The following PCSK5 variants were observed in gnomAD, a reference collection of about 807,000 sequenced individuals.
PCSK5 encodes prohormone convertase 5.
Under a neutral mutation model 233.2 loss-of-function variants are expected in PCSK5, and 129 were observed. The ratio of observed to expected loss-of-function variants is 0.55; its 90% confidence interval spans 0.48 to 0.64. PCSK5 has a LOEUF of 0.64. PCSK5 is among the 30% of genes least tolerant of loss of function. The pLI is 0.00. For missense variants in PCSK5, 2,076 were observed against 2,430.1 expected, an observed-to-expected ratio of 0.85 and a Z score of 3.06; for synonymous variants, 825 against 879.2, an observed-to-expected ratio of 0.94 and a Z score of 1.09.
chr9:76,124,599 T>C (rs1018272465), intron 9 of PCSK5, among the ~76,000 whole-genome samples: 13 of 151,508 alleles, frequency 8.6e-5, no homozygotes, highest in Admixed American at 6.6e-4. Context: ...CAAAAAATTA[T>C]CCGGGCATGG....
chr9:75,995,472 GA>G (rs1248967620), intron 3 of PCSK5, among the ~76,000 whole-genome samples: 2 of 152,198 alleles, frequency 1.3e-5, no homozygotes, highest in Non-Finnish European at 2.9e-5. Flanking sequence ...AGTAAAAGAA[GA>G]AATAAGTGTT....
intron 1 of PCSK5, among the ~76,000 whole-genome samples, chr9:75,904,545 A>G (rs1826180354): frequency 6.6e-6 from 1 of 152,244 alleles, no homozygotes; most frequent in South Asian, 2.1e-4. Flanking sequence ...GATGTATAAC[A>G]TCATTAGTCA....
intron 24 of PCSK5, among the ~76,000 whole-genome samples, chr9:76,256,827 C>A (rs1238496046): frequency 6.6e-6 from 1 of 152,160 alleles, no homozygotes; most frequent in African/African-American, 2.4e-5. Context: ...TCCATCCTTC[C>A]CTTAACACAG....
intron 12 of PCSK5, among the ~76,000 whole-genome samples, chr9:76,165,217 G>C (rs1211610475): frequency 2.0e-5 from 3 of 152,088 alleles, no homozygotes; most frequent in Admixed American, 2.0e-4. Flanking sequence ...AAATAGAAGA[G>C]AGAAAAGAGA....
intron 34 of PCSK5, among the ~76,000 whole-genome samples, chr9:76,334,842 CT>C (rs1268686441): frequency 6.6e-6 from 1 of 152,174 alleles, no homozygotes; most frequent in Non-Finnish European, 1.5e-5. Flanking sequence ...CTTTCAAAGG[CT>C]GAGGCGGGCA....
At chr9:75,913,814 C>T (rs1052712228) in intron 1 of PCSK5, among the ~76,000 whole-genome samples, 4 of 151,568 alleles carry the variant, frequency 2.6e-5, no homozygotes, top group Non-Finnish European at 5.9e-5. Context: ...TTTTGTAATA[C>T]AGTAGGAACC....
chr9:76,351,459 A>AGAAG (rs1830129590), intron 36 of PCSK5, among the ~76,000 whole-genome samples: 10 of 36,298 alleles, frequency 2.8e-4, no homozygotes, highest in Non-Finnish European at 5.2e-4. Context: ...AAAGAAAGAA[A>AGAAG]GAAAGAAAGA....
Position 76,328,215 on chromosome 9 carries a change from T to A in PCSK5, c.4546T>A (p.Cys1516Ser). ...MGPAEDQCQT[C>S]PMNSLLLNTT... The stretch of plus-strand genomic sequence containing the variant: ...GCCGGCGGAGGACCAGTGTCAAACA[T>A]GCCCCATGAACAGCCTTCTTCTCAG... The change falls in exon 33 of 38, where the codon TGC (cysteine) becomes AGC (serine). Residue 1516 changes from cysteine (C) to serine (S), a missense_variant. By Grantham distance (112) the Cys-to-Ser change is moderately radical. Around this residue, in one of 6 missense-constraint regions of PCSK5, gnomAD observed 1,510 missense variants for 1,538.1 expected, o/e 0.98. Transcript: ENST00000674117. The A allele has an allele frequency of 6.2e-7, 1 of 1,612,538 alleles. No individual in the cohort carries two copies. Among genetic ancestry groups the A allele is most frequent in the Non-Finnish European group, 8.5e-7 (1 of 1,179,582 alleles).
At chr9:76,003,182 A>C (rs7034457) in intron 3 of PCSK5, among the ~76,000 whole-genome samples, 1 of 152,174 alleles carries the variant, frequency 6.6e-6, no homozygotes, top group Non-Finnish European at 1.5e-5. Flanking sequence ...GAACATGGGC[A>C]GGCATCCTTA....
intron 1 of PCSK5, among the ~76,000 whole-genome samples, chr9:75,928,551 C>T (rs1823606119): frequency 7.4e-6 from 1 of 135,376 alleles, no homozygotes; most frequent in South Asian, 2.4e-4. Flanking sequence ...AAGGGACATG[C>T]ATATTAATAG....
intron 27 of PCSK5, among the ~76,000 whole-genome samples, chr9:76,301,142 C>T (rs1352780285): frequency 6.6e-6 from 1 of 151,700 alleles, no homozygotes. Context: ...TGTGGTGGCA[C>T]GCATCTGTAG....
chr9:75,938,655 C>T (rs1824167026), intron 2 of PCSK5, among the ~76,000 whole-genome samples: 1 of 152,182 alleles, frequency 6.6e-6, no homozygotes, highest in Admixed American at 6.5e-5. Context: ...CAAGGTATGC[C>T]CGTATTTTCC....
chr9:76,356,855 G>C (rs1345093524), intron 37 of PCSK5, among the ~76,000 whole-genome samples: 1 of 152,162 alleles, frequency 6.6e-6, no homozygotes, highest in African/African-American at 2.4e-5. Context: ...GAATGTACCT[G>C]TGTAGGATGT....
chr9:76,311,134 G>A (rs1354404231), intron 30 of PCSK5, among the ~76,000 whole-genome samples: 3 of 152,096 alleles, frequency 2.0e-5, no homozygotes, highest in South Asian at 2.1e-4. Flanking sequence ...CCAGCACTTC[G>A]GGAGGCTAAG....
chr9:76,034,703 TATTA>T (rs1407202009), intron 5 of PCSK5, among the ~76,000 whole-genome samples: 1 of 152,166 alleles, frequency 6.6e-6, no homozygotes, highest in Non-Finnish European at 1.5e-5. Context: ...CCTGTGAACT[TATTA>T]ATTCTTTTAT....
intron 12 of PCSK5, among the ~76,000 whole-genome samples, chr9:76,165,779 C>T (rs1823060589): frequency 6.6e-6 from 1 of 152,116 alleles, no homozygotes; most frequent in African/African-American, 2.4e-5. Context: ...GACATTTTAC[C>T]CACACTAATA....
chr9:76,166,525 A>G, intron 12 of PCSK5, among the ~76,000 whole-genome samples: 1 of 152,190 alleles, frequency 6.6e-6, no homozygotes, highest in Non-Finnish European at 1.5e-5. Context: ...TTGACCCATG[A>G]GTGATTAAAA....
intron 2 of PCSK5, among the ~76,000 whole-genome samples, chr9:75,975,154 C>T (rs1825963143): frequency 6.6e-6 from 1 of 152,030 alleles, no homozygotes; most frequent in South Asian, 2.1e-4. Context: ...GTACCCAGCT[C>T]TGAACTTACA....
intron 10 of PCSK5, among the ~76,000 whole-genome samples, chr9:76,153,973 T>C (rs1197715374): frequency 6.6e-6 from 1 of 152,224 alleles, no homozygotes; most frequent in Non-Finnish European, 1.5e-5. Context: ...TTTCTCTCTT[T>C]ACAGGTCATT....
Sources: gnomAD v4.1 joint callset for allele counts (sites outside exome capture counted in the v4.1 genomes callset) on GRCh38, gnomAD v4.1.1 for gene constraint, gnomAD v4.1.1 regional missense constraint, MANE v1.5 for transcripts, NCBI Gene and HGNC (gene_info 2026-07-23, HGNC 2026-07-21) for gene names.